TKT: variants seen among roughly 807,000 people sequenced by gnomAD.
TKT encodes transketolase, also known as epididymis luminal protein 107.
In TKT, 47 loss-of-function variants were observed where a neutral mutation model predicts 63.9. The observed-to-expected ratio is 0.74, with a 90% confidence interval of 0.58 to 0.94. TKT has a LOEUF of 0.94. TKT is among the 40% of genes least tolerant of loss of function. The pLI is 0.00. For missense variants in TKT, 721 were observed against 846.2 expected, an observed-to-expected ratio of 0.85 and a Z score of 1.84; for synonymous variants, 338 against 334.1, an observed-to-expected ratio of 1.01 and a Z score of -0.13.
rs782595403 is a variant in TKT at position 53,255,884 on chromosome 3, T to C, written c.59A>G (p.Asn20Ser). ...CTGGATGGAGCTGATACGTAGGCGGTTGGCCGTGTCCTTCAAGGCCTGCAG... is the reference window on the plus strand; with the variant it reads ...CTGGATGGAGCTGATACGTAGGCGGCTGGCCGTGTCCTTCAAGGCCTGCAG... ...QKLQALKDTA[N>S]RLRISSIQAT... Residue 20 changes from asparagine to serine, a missense_variant, in exon 1 of 14, where the codon AAC becomes AGC. Transcript: ENST00000462138. The C allele has an allele frequency of 1.3e-6, 2 of 1,548,898 alleles. No individual in the cohort carries two copies. The highest frequency in any genetic ancestry group is 1.4e-5 in the African/African-American group (1 of 69,986).
At chr3:53,234,715 G>C (rs935948795) in intron 5 of TKT, 6 of 348,386 alleles carry the variant, frequency 1.7e-5, no homozygotes, top group African/African-American at 2.1e-5. Context: ...GCGAGCTGAC[G>C]TGAGATGGTG....
At chr3:53,252,614 A>G (rs934339068) in intron 1 of TKT, among the ~76,000 whole-genome samples, 1 of 152,176 alleles carries the variant, frequency 6.6e-6, no homozygotes, top group Non-Finnish European at 1.5e-5. Flanking sequence ...CGGACACCAC[A>G]GTATGTTTCC....
chr3:53,249,910 T>C (rs1015792767), intron 1 of TKT, among the ~76,000 whole-genome samples: 1 of 152,144 alleles, frequency 6.6e-6, no homozygotes, highest in African/African-American at 2.4e-5. Context: ...TTTGTGGAAC[T>C]AGGCGACAGT....
chr3:53,252,486 A>G (rs1208852335), intron 1 of TKT, among the ~76,000 whole-genome samples: 2 of 152,244 alleles, frequency 1.3e-5, no homozygotes, highest in Admixed American at 1.3e-4. Context: ...AAACATATAC[A>G]TACACACACA....
chr3:53,245,107 C>G (rs936210355), intron 1 of TKT, among the ~76,000 whole-genome samples: 21 of 151,564 alleles, frequency 1.4e-4, no homozygotes, highest in Non-Finnish European at 2.5e-4. Flanking sequence ...AGTTTAAGAC[C>G]AGCCTGGCCA....
intron 10 of TKT, 163 bp downstream of exon 10, chr3:53,228,844 G>GTATT: frequency 1.0e-6 from 1 of 964,896 alleles, no homozygotes; most frequent in Non-Finnish European, 1.5e-6. Flanking sequence ...AGTGGGGTGT[G>GTATT]TATTTCGTTT....
At chr3:53,232,498 T>C (rs971656351) in intron 6 of TKT, 8 of 398,664 alleles carry the variant, frequency 2.0e-5, no homozygotes, top group Admixed American at 1.3e-4. Flanking sequence ...CCTCGTGCCA[T>C]AGACTTCCTC....
chr3:53,239,288 T>C (rs1369535604), intron 4 of TKT, among the ~76,000 whole-genome samples: 3 of 152,036 alleles, frequency 2.0e-5, no homozygotes, highest in African/African-American at 7.3e-5. Context: ...ACTAATACAG[T>C]GATTATTCTT....
chr3:53,233,194 G>A lies in TKT; in HGVS notation c.710C>T (p.Ala237Val). Residue 237 changes from alanine (A) to valine (V), a missense_variant, in exon 6 of 14, where the codon GCC (alanine) becomes GTC (valine). Physicochemically the swap from Ala to Val is moderately conservative, Grantham distance 64. Coordinates refer to ENST00000462138, the MANE Select transcript of TKT (RefSeq NM_001064.4). ...GCCCTTGAAGGTCTTGGCAATGATG[G>A]CTGTTGGCTGGTGCTTGGCCTGGCC... Reference protein sequence around the residue: ...AFGQAKHQPTAIIAKTFKGRG... With the variant: ...AFGQAKHQPTVIIAKTFKGRG... The A allele has an allele frequency of 1.2e-6, 2 of 1,613,968 alleles. No individual in the cohort carries two copies. Among genetic ancestry groups the A allele is most frequent in the Non-Finnish European group, 1.7e-6 (2 of 1,179,956 alleles).
chr3:53,237,179 T>A (rs982333152), intron 4 of TKT, among the ~76,000 whole-genome samples: 1 of 150,926 alleles, frequency 6.6e-6, no homozygotes, highest in Non-Finnish European at 1.5e-5. Context: ...AGGTCAGGAG[T>A]TTGAGACTGA....
intron 1 of TKT, chr3:53,243,731 C>T (rs1333118264): frequency 4.7e-6 from 2 of 426,818 alleles, no homozygotes; most frequent in African/African-American, 4.1e-5. Flanking sequence ...ACCCTAATCC[C>T]ACGCTCCCAG....
At chr3:53,230,825 T>TAA (rs10666288) in intron 7 of TKT, among the ~76,000 whole-genome samples, 1 of 152,100 alleles carries the variant, frequency 6.6e-6, no homozygotes, top group Non-Finnish European at 1.5e-5. Context: ...CCCCGGCCCC[T>TAA]TCTGGCTGTG....
intron 4 of TKT, among the ~76,000 whole-genome samples, chr3:53,236,671 T>C (rs1484248512): frequency 7.9e-5 from 12 of 152,186 alleles, no homozygotes; most frequent in Admixed American, 4.6e-4. Flanking sequence ...GGAAGGCAAC[T>C]GGCTGCCACC....
chr3:53,237,249 G>A (rs1195492857), intron 4 of TKT, among the ~76,000 whole-genome samples: 2 of 152,036 alleles, frequency 1.3e-5, no homozygotes, highest in African/African-American at 2.4e-5. Context: ...TTAGCTGAGT[G>A]TGGTGGTGCG....
chr3:53,234,970 G>A lies in TKT; in HGVS notation c.629+13C>T. The A allele has an allele frequency of 1.9e-6, 3 of 1,604,842 alleles. No individual in the cohort carries two copies. The highest frequency in any genetic ancestry group is 2.6e-6 in the Non-Finnish European group (3 of 1,174,546). ...GTGCTGTGACCACACTCAGGCCACA[G>A]CCTCGTACATACCCGAAGGCCTCGC... On this transcript the variant is annotated intron_variant, in intron 5 of 13. Coordinates refer to ENST00000462138, the MANE Select transcript of TKT (RefSeq NM_001064.4).
rs201367126 is a variant in TKT at position 53,241,178 on chromosome 3, A to G, written c.293T>C (p.Leu98Pro). 46 of 1,595,784 alleles carry G rather than the reference A, an allele frequency of 2.9e-5. No individual in the cohort carries two copies. The Admixed American group carries it at 4.8e-4, about 17-fold the overall frequency. ...EAGFLAEAEL[L>P]NLRKISSDLD... Reference sequence around the variant, plus strand: ...GTCGGAGCTGATCTTCCTCAGGTTCAGCAGCTCCGCCTCGGCCAGGAAACC... The same window carrying G: ...GTCGGAGCTGATCTTCCTCAGGTTCGGCAGCTCCGCCTCGGCCAGGAAACC... Residue 98 changes from leucine to proline, a missense_variant, in exon 3 of 14, where the codon CTG becomes CCG. Physicochemically the swap from Leu to Pro is moderately conservative, Grantham distance 98. Transcript: ENST00000462138.
intron 1 of TKT, among the ~76,000 whole-genome samples, chr3:53,246,020 C>A (rs1705488515): frequency 6.6e-6 from 1 of 152,130 alleles, no homozygotes; most frequent in African/African-American, 2.4e-5. Flanking sequence ...GTAATCCCAG[C>A]ACTCTGGGAG....
chr3:53,254,560 T>G (rs1473558882), intron 1 of TKT, among the ~76,000 whole-genome samples: 5 of 152,246 alleles, frequency 3.3e-5, no homozygotes, highest in Non-Finnish European at 7.3e-5. Flanking sequence ...AGCCAGAATC[T>G]TGTCTGTCTG....
Position 53,229,439 on chromosome 3 carries a change from G to A in TKT, c.1108-3C>T. 1 of 1,600,064 alleles carries A rather than the reference G, an allele frequency of 6.2e-7. No individual in the cohort carries two copies. The highest frequency in any genetic ancestry group is 8.5e-7 in the Non-Finnish European group (1 of 1,173,706). Reference sequence around the variant, plus strand: ...GCACAGCCCACCGCGATGCTCACCTGGGGGCAGGTGGGACAGGGTCAGCCC... The same window carrying A: ...GCACAGCCCACCGCGATGCTCACCTAGGGGCAGGTGGGACAGGGTCAGCCC... On this transcript the variant is annotated splice_polypyrimidine_tract_variant and splice_region_variant and intron_variant, in intron 8 of 13. Transcript: ENST00000462138.
Sources: gnomAD v4.1 joint callset for allele counts (sites outside exome capture counted in the v4.1 genomes callset) on GRCh38, gnomAD v4.1.1 for gene constraint, MANE v1.5 for transcripts, NCBI Gene and HGNC (gene_info 2026-07-23, HGNC 2026-07-21) for gene names.